Variants in SYT17 observed in about 807,000 individuals in gnomAD.
SYT17 encodes synaptotagmin 17, also known as synaptotagmin-17.
SYT17 carries 22 observed loss-of-function variants against 46.7 expected under a neutral mutation model. That is an observed-to-expected ratio of 0.47 (90% CI 0.34 to 0.67). The LOEUF is 0.67. Ranked by LOEUF, SYT17 falls within the 30% of genes least tolerant of loss-of-function variation. The probability of loss-of-function intolerance (pLI) is 0.01; values close to 1 mark genes in which losing one functional copy is unlikely to be tolerated. For missense variants in SYT17, 519 were observed against 612.8 expected (o/e 0.85, Z 1.62); for synonymous variants, 251 against 248.4 (o/e 1.01, Z -0.10).
At chr16:19,234,291 A>T (rs529896737) in intron 7 of SYT17, among the ~76,000 whole-genome samples, 26 of 152,198 alleles carry the variant, frequency 1.7e-4, no homozygotes, top group African/African-American at 5.8e-4. Context: ...ACACCACTGC[A>T]CTCCAGCCTG....
chr16:19,235,612 T>C (rs1004297264), intron 7 of SYT17, among the ~76,000 whole-genome samples: 2 of 152,166 alleles, frequency 1.3e-5, no homozygotes, highest in Middle Eastern at 3.2e-3. Context: ...AACCACAAGA[T>C]GGCCCAGATG....
At chr16:19,207,486 G>C (rs1387631648) in intron 5 of SYT17, among the ~76,000 whole-genome samples, 1 of 152,094 alleles carries the variant, frequency 6.6e-6, no homozygotes, top group African/African-American at 2.4e-5. Flanking sequence ...AAGGCAAGGG[G>C]GGGAAAGAGA....
chr16:19,191,947 G>C (rs988618290), intron 5 of SYT17, among the ~76,000 whole-genome samples: 3 of 152,098 alleles, frequency 2.0e-5, no homozygotes, highest in Non-Finnish European at 4.4e-5. Context: ...ACCACACCCA[G>C]TTAATTTTTT....
chr16:19,172,528 G>A lies in SYT17; in HGVS notation c.16-232G>A. On this transcript the variant is annotated intron_variant, in intron 1 of 7. Coordinates refer to ENST00000355377, the MANE Select transcript of SYT17 (RefSeq NM_016524.4). ...AATGCTAAAGTTTCCCATTTATTTGGTGTTGGTTAACCAGGAGGCTACCAG... is the reference window on the plus strand; with the variant it reads ...AATGCTAAAGTTTCCCATTTATTTGATGTTGGTTAACCAGGAGGCTACCAG... 2.0e-6 allele frequency: 3 copies of A among 1,496,926 alleles called. No homozygotes were observed. In the South Asian group the frequency reaches 3.9e-5, roughly 19 times the overall value. 92.7% of individuals were successfully genotyped at this position (1,496,926 alleles called of 1,614,324 possible).
At chr16:19,224,959 C>A in intron 7 of SYT17, 121 bp downstream of exon 7, 1 of 1,164,498 alleles carries the variant, frequency 8.6e-7, no homozygotes, top group Non-Finnish European at 1.2e-6. Context: ...ATTCAACTAC[C>A]TGGGTTTGAA....
intron 5 of SYT17, among the ~76,000 whole-genome samples, chr16:19,207,683 TACCCTCA>T (rs1965726498): frequency 6.6e-6 from 1 of 152,132 alleles, no homozygotes; most frequent in South Asian, 2.1e-4. Flanking sequence ...GTAAGGTCAC[TACCCTCA>T]ATGAGCTCAC....
At chr16:19,243,197 A>G (rs1431894219) in intron 7 of SYT17, among the ~76,000 whole-genome samples, 1 of 152,176 alleles carries the variant, frequency 6.6e-6, no homozygotes, top group Admixed American at 6.5e-5. Context: ...GGCAGTGGGC[A>G]AAAGATCTTT....
chr16:19,248,175 C>A (rs568997566), intron 7 of SYT17, among the ~76,000 whole-genome samples: 1 of 152,272 alleles, frequency 6.6e-6, no homozygotes, highest in South Asian at 2.1e-4. Context: ...AATACATTAC[C>A]ACTACACACC....
chr16:19,194,813 G>C (rs1336008595), intron 5 of SYT17, among the ~76,000 whole-genome samples: 1 of 152,070 alleles, frequency 6.6e-6, no homozygotes, highest in Non-Finnish European at 1.5e-5. Context: ...GCCCAGGCTG[G>C]TCTCGAACTC....
chr16:19,266,406 G>A (rs1464974282), intron 7 of SYT17, among the ~76,000 whole-genome samples: 1 of 152,238 alleles, frequency 6.6e-6, no homozygotes, highest in Non-Finnish European at 1.5e-5. Context: ...GACAGTTACG[G>A]CAAAGGATTA....
chr16:19,235,827 G>C (rs1028858082), intron 7 of SYT17, among the ~76,000 whole-genome samples: 2 of 152,188 alleles, frequency 1.3e-5, no homozygotes, highest in African/African-American at 4.8e-5. Context: ...CTCAATAGCA[G>C]AATGGAGGTG....
At chr16:19,247,102 C>T (rs1176962043) in intron 7 of SYT17, among the ~76,000 whole-genome samples, 1 of 152,106 alleles carries the variant, frequency 6.6e-6, no homozygotes, top group Non-Finnish European at 1.5e-5. Flanking sequence ...GCATTCCAGC[C>T]AGAGGGAACA....
intron 5 of SYT17, among the ~76,000 whole-genome samples, chr16:19,197,332 A>AT: frequency 6.6e-6 from 1 of 150,600 alleles, no homozygotes; most frequent in Non-Finnish European, 1.5e-5. Context: ...AAATTGATTC[A>AT]TTTTAGATAT....
chr16:19,211,870 C>T (rs890443703), intron 5 of SYT17, among the ~76,000 whole-genome samples: 2 of 152,086 alleles, frequency 1.3e-5, no homozygotes, highest in Non-Finnish European at 2.9e-5. Flanking sequence ...TCGTGATCCG[C>T]CCGCCTCAGC....
intron 1 of SYT17, 34 bp from the exon 2 acceptor site, chr16:19,172,726 G>A (rs758953767): frequency 4.0e-5 from 64 of 1,610,276 alleles, no homozygotes; most frequent in African/African-American, 6.8e-5. Context: ...GTTCCCTTAC[G>A]CCCTTGGCTT....
intron 5 of SYT17, among the ~76,000 whole-genome samples, chr16:19,196,243 A>AT (rs35656867): frequency 0.47 from 68,315 of 144,906 alleles, 15,908 homozygotes; most frequent in Middle Eastern, 0.56. Context: ...CGATAGAAGA[A>AT]TTTTTTTTTT....
At position 19,196,269 on chromosome 16, in the gene SYT17, A is replaced by C. The variant is rs542180543; in HGVS notation, c.951+12122A>C. Among the ~76,000 whole-genome samples the C allele has an allele frequency of 2.6e-5, 4 of 151,150 alleles. No homozygotes were observed. In the East Asian group the frequency reaches 7.8e-4, roughly 29 times the overall value. The stretch of plus-strand genomic sequence containing the variant: ...TTTTTTTTTTTTTTTTAAAGACAGA[A>C]TCTTGCTCTGTTGCCCACGCTGGAG... On this transcript the variant is annotated intron_variant, in intron 5 of 7. Coordinates refer to ENST00000355377, the MANE Select transcript of SYT17 (RefSeq NM_016524.4).
At chr16:19,222,164 G>A (rs528266080) in intron 5 of SYT17, among the ~76,000 whole-genome samples, 41 of 152,278 alleles carry the variant, frequency 2.7e-4, no homozygotes, top group Admixed American at 2.3e-3. Context: ...CAGCTAAAAC[G>A]TTTCACAAGT....
At position 19,251,776 on chromosome 16, in the gene SYT17, C is replaced by T. The variant is rs190160878; in HGVS notation, c.1229-15104C>T. Among the ~76,000 whole-genome samples, 257 of 152,282 alleles carry T rather than the reference C, an allele frequency of 1.7e-3. 1 individual carries two copies. The highest frequency in any genetic ancestry group is 2.0e-3 in the Non-Finnish European group (138 of 68,030). On this transcript the variant is annotated intron_variant, in intron 7 of 7. Transcript: ENST00000355377. ...TCATTGTACTTACACCCTGAGCCTCCATCTATTTCTCTGGAAAGTGGGAGC... is the reference window on the plus strand; with the variant it reads ...TCATTGTACTTACACCCTGAGCCTCTATCTATTTCTCTGGAAAGTGGGAGC...
Sources: gnomAD v4.1 joint callset for allele counts (sites outside exome capture counted in the v4.1 genomes callset) on GRCh38, gnomAD v4.1.1 for gene constraint, MANE v1.5 for transcripts, NCBI Gene and HGNC (gene_info 2026-07-23, HGNC 2026-07-21) for gene names.